SPRR1B: variants seen among roughly 807,000 people sequenced by gnomAD.
SPRR1B encodes the protein small proline rich protein 1B.
In SPRR1B, 1 loss-of-function variant was observed where a neutral mutation model predicts 1.2. The observed-to-expected ratio is 0.82, with a 90% CI of 0.29 to 3.89. The LOEUF (loss-of-function observed/expected upper bound fraction) is 3.89. Ranked by LOEUF, SPRR1B falls within the 30% of genes most tolerant of loss-of-function variation. The pLI is 0.18. For synonymous variants in SPRR1B, 37 were observed against 38.3 expected, an observed-to-expected ratio of 0.97 and a Z score of 0.13; for missense variants, 102 against 106.0, an observed-to-expected ratio of 0.96 and a Z score of 0.17.
rs560840585 is a variant in SPRR1B, at chr1:153,031,543, AC to A, written c.-20+299del. On this transcript the variant is annotated intron_variant, in intron 1 of 1. Coordinates refer to ENST00000307098, the MANE Select transcript of SPRR1B (RefSeq NM_003125.3). ...AGTTTGTAATGGGATAATGACTAGA[AC>A]CCAGGTCCACAGCACTTACCCTGGC... Among the ~76,000 whole-genome samples the A allele has an allele frequency of 3.4e-3, 522 of 152,306 alleles. 1 individual carries two copies. Among genetic ancestry groups the A allele is most frequent in the African/African-American group, 0.012 (491 of 41,568 alleles).
intron 1 of SPRR1B, 109 bp from the exon 2 acceptor site, chr1:153,032,218 T>C (rs1653728114): frequency 7.5e-7 from 1 of 1,328,740 alleles, no homozygotes; most frequent in African/African-American, 1.5e-5. Context: ...TTAAGTATTC[T>C]TTGTGGTCAA....
rs3181787 is a variant in SPRR1B, at chr1:153,032,333, T to A, written c.-13T>A. On this transcript the variant is annotated 5_prime_UTR_variant, in exon 2 of 2. Transcript: ENST00000307098. The stretch of plus-strand genomic sequence containing the variant: ...TCATCTGTTCTGTGTCCAGGACCAG[T>A]CACTGTTGCAGCATGAGTTCCCAGC... The A allele has an allele frequency of 1.9e-6, 3 of 1,612,074 alleles. No individual in the cohort carries two copies. The African/African-American group carries it at 4.0e-5, about 22-fold the overall frequency.
Position 153,032,651 on chromosome 1 carries a change from C to T in SPRR1B, c.*36C>T, listed in dbSNP as rs767984563. On this transcript the variant is annotated 3_prime_UTR_variant, in exon 2 of 2. Coordinates refer to ENST00000307098, the MANE Select transcript of SPRR1B (RefSeq NM_003125.3). ...AGCCATGCCCTTGAGGAGCCGGCCA[C>T]CAGATGCTGAATCCCCTATCCCATT... is the stretch of plus-strand genomic sequence containing the variant. 1.2e-6 allele frequency: 2 copies of T among 1,600,094 alleles called. No individual in the cohort carries two copies. Among genetic ancestry groups the T allele is most frequent in the African/African-American group, 2.7e-5 (2 of 74,658 alleles).
At chr1:153,032,140 G>A (rs192123857) in intron 1 of SPRR1B, among the ~76,000 whole-genome samples, 187 bp from the exon 2 acceptor site, 2 of 152,166 alleles carry the variant, frequency 1.3e-5, no homozygotes, top group East Asian at 3.9e-4. Flanking sequence ...ACCAGGAGAG[G>A]CCCTGCTCCA....
rs1310090121 is a variant in SPRR1B at position 153,032,670 on chromosome 1, T to C, written c.*55T>C. The C allele has an allele frequency of 8.2e-6, 13 of 1,584,140 alleles. No homozygotes were observed. Among genetic ancestry groups the C allele is most frequent in the Non-Finnish European group, 1.1e-5 (13 of 1,164,748 alleles). ...CGGCCACCAGATGCTGAATCCCCTA[T>C]CCCATTCTGCGTATGAGTCCCATTT... On this transcript the variant is annotated 3_prime_UTR_variant, in exon 2 of 2. Transcript: ENST00000307098.
In SPRR1B at chr1:153,032,520, C is replaced by T; in HGVS notation, c.175C>T (p.Pro59Ser). Residue 59 changes from proline to serine, a missense_variant, in exon 2 of 2, where the codon CCC becomes TCC. Transcript: ENST00000307098. Reference protein sequence around the residue: ...CHPKVPEPCQPKVPEPCHPKV... With the variant: ...CHPKVPEPCQSKVPEPCHPKV... ...CCCCAAAGTGCCCGAGCCCTGCCAG[C>T]CCAAGGTTCCAGAGCCATGCCACCC... The T allele has an allele frequency of 2.7e-6, 4 of 1,495,858 alleles. No individual in the cohort carries two copies. Among genetic ancestry groups the T allele is most frequent in the East Asian group, 2.3e-5 (1 of 43,430 alleles). The allele number at this position is 1,495,858 out of a possible 1,614,324, so 92.7% of individuals were successfully genotyped here. A position where few individuals can be genotyped will look rare whatever the true frequency, so the allele number is the denominator to read the frequency against.
At position 153,032,477 on chromosome 1, in the gene SPRR1B, G is replaced by A. The variant is rs200829544; in HGVS notation, c.132G>A (p.Lys44=). Residue 44 remains lysine, a synonymous_variant, in exon 2 of 2, where the codon AAG becomes AAA. Transcript: ENST00000307098. ...IPKTKEPCHP[K]VPEPCHPKVP... Reference sequence around the variant, plus strand: ...AAACCAAGGAGCCCTGCCACCCCAAGGTGCCTGAGCCCTGCCACCCCAAAG... The same window carrying A: ...AAACCAAGGAGCCCTGCCACCCCAAAGTGCCTGAGCCCTGCCACCCCAAAG... The A allele has an allele frequency of 6.7e-7, 1 of 1,495,928 alleles. No homozygotes were observed. Among genetic ancestry groups the A allele is most frequent in the African/African-American group, 1.4e-5 (1 of 72,902 alleles). The allele number at this position is 1,495,928 out of a possible 1,614,324, so 92.7% of individuals were successfully genotyped here.
rs760475000 is a variant in SPRR1B at position 153,032,452 on chromosome 1, A to C, written c.107A>C (p.Lys36Thr). 6.2e-7 allele frequency: 1 copy of C among 1,613,694 alleles called. No homozygotes were observed. The highest frequency in any genetic ancestry group is 2.2e-5 in the East Asian group (1 of 44,826). Residue 36 changes from lysine (K) to threonine (T), a missense_variant, in exon 2 of 2, where the codon AAA (lysine) becomes ACA (threonine). Physicochemically the swap from Lys to Thr is moderately conservative, Grantham distance 78. Coordinates refer to ENST00000307098, the MANE Select transcript of SPRR1B (RefSeq NM_003125.3). ...CCACCTCAGGAACCATGCATCCCCAAAACCAAGGAGCCCTGCCACCCCAAG... is the reference window on the plus strand; with the variant it reads ...CCACCTCAGGAACCATGCATCCCCACAACCAAGGAGCCCTGCCACCCCAAG... ...QPPPQEPCIP[K>T]TKEPCHPKVP...
In SPRR1B at chr1:153,032,548, A is replaced by C. The variant is rs1653743050; in HGVS notation, c.203A>C (p.Lys68Thr). The C allele has an allele frequency of 6.2e-7, 1 of 1,611,796 alleles. No individual in the cohort carries two copies. Among genetic ancestry groups the C allele is most frequent in the South Asian group, 1.1e-5 (1 of 90,996 alleles). The change falls in exon 2 of 2, where the codon AAG becomes ACG. Residue 68 changes from lysine (K) to threonine (T), a missense_variant. Physicochemically the swap from Lys to Thr is moderately conservative, Grantham distance 78 (BLOSUM62 -1). Transcript: ENST00000307098. ...QPKVPEPCHP[K>T]VPEPCPSIVT... ...AAGGTTCCAGAGCCATGCCACCCCA[A>C]GGTGCCTGAGCCCTGCCCTTCAATA...
Position 153,032,663 on chromosome 1 carries a change from T to A in SPRR1B, c.*48T>A. The A allele has an allele frequency of 6.3e-7, 1 of 1,591,160 alleles. No individual in the cohort carries two copies. Among genetic ancestry groups the A allele is most frequent in the Non-Finnish European group, 8.6e-7 (1 of 1,167,884 alleles). ...GAGGAGCCGGCCACCAGATGCTGAA[T>A]CCCCTATCCCATTCTGCGTATGAGT... On this transcript the variant is annotated 3_prime_UTR_variant, in exon 2 of 2. Coordinates refer to ENST00000307098, the MANE Select transcript of SPRR1B (RefSeq NM_003125.3).
Position 153,032,397 on chromosome 1 carries a change from C to T in SPRR1B, c.52C>T (p.Gln18Ter), listed in dbSNP as rs763570484. Residue 18 changes from glutamine (Q) to a stop codon, truncating the protein, a stop_gained, in exon 2 of 2, where the codon CAG (glutamine) becomes TAG (stop). Coordinates refer to ENST00000307098, the MANE Select transcript of SPRR1B (RefSeq NM_003125.3). LOFTEE classifies it low-confidence loss of function (END_TRUNC). Reference protein sequence around the residue: ...QPCTPPPQLQQQQVKQPCQPP... With the variant: ...QPCTPPPQLQ ...TTGCACCCCACCCCCTCAGCTTCAG[C>T]AGCAGCAGGTGAAACAGCCTTGCCA... 1 of 1,613,988 alleles carries T rather than the reference C, an allele frequency of 6.2e-7. No homozygotes were observed. The highest frequency in any genetic ancestry group is 8.5e-7 in the Non-Finnish European group (1 of 1,179,996).
chr1:153,032,501 A>G lies in SPRR1B; in HGVS notation c.156A>G (p.Lys52=), dbSNP rs368848590. 3.4e-5 allele frequency: 51 copies of G among 1,495,458 alleles called. No individual in the cohort carries two copies. The African/African-American group carries it at 5.3e-4, about 16-fold the overall frequency. 92.6% of individuals were successfully genotyped at this position (1,495,458 alleles called of 1,614,324 possible). Residue 52 remains lysine, a synonymous_variant, in exon 2 of 2, where the codon AAA becomes AAG. Transcript: ENST00000307098. ...HPKVPEPCHP[K]VPEPCQPKVP... is the part of the protein sequence containing the mutation. ...AGGTGCCTGAGCCCTGCCACCCCAA[A>G]GTGCCCGAGCCCTGCCAGCCCAAGG...
In SPRR1B at chr1:153,032,807, T is replaced by C; in HGVS notation, c.*192T>C. 1 of 1,050,336 alleles carries C rather than the reference T, an allele frequency of 9.5e-7. No individual in the cohort carries two copies. Among genetic ancestry groups the C allele is most frequent in the South Asian group, 1.9e-5 (1 of 53,916 alleles). The allele number at this position is 1,050,336 out of a possible 1,614,324, so 65.1% of individuals were successfully genotyped here. On this transcript the variant is annotated 3_prime_UTR_variant, in exon 2 of 2. Transcript: ENST00000307098. ...TGAAGGTCTTAGTACCAGAGCTAGT[T>C]TTCAGCTGCTCAGAATTCATCTGAA...
Position 153,031,249 on chromosome 1 carries a change from T to C in SPRR1B, c.-20+2T>C, listed in dbSNP as rs1260140080. 1 of 152,244 alleles carries C rather than the reference T, an allele frequency of 6.6e-6. No homozygotes were observed. The highest frequency in any genetic ancestry group is 6.5e-5 in the Admixed American group (1 of 15,288). The allele number at this position is 152,244 out of a possible 1,614,324, so 9.4% of individuals were successfully genotyped here. On this transcript the variant is annotated splice_donor_variant, in intron 1 of 1. Transcript: ENST00000307098. LOFTEE classifies it low-confidence loss of function (5UTR_SPLICE). ...AGAGTATTCCTCTCTTCACACCAGGTGAGTCTCTTTACTTGGAACTCTTTA... is the reference window on the plus strand; with the variant it reads ...AGAGTATTCCTCTCTTCACACCAGGCGAGTCTCTTTACTTGGAACTCTTTA...
At chr1:153,032,058 A>G (rs1362798717) in intron 1 of SPRR1B, among the ~76,000 whole-genome samples, 1 of 152,106 alleles carries the variant, frequency 6.6e-6, no homozygotes, top group African/African-American at 2.4e-5. Flanking sequence ...TCACATTTCC[A>G]ATGGTCCAGT....
chr1:153,031,416 G>A (rs4845516), intron 1 of SPRR1B, among the ~76,000 whole-genome samples, 169 bp downstream of exon 1: 74,699 of 151,680 alleles, frequency 0.49, 18,493 homozygotes, highest in East Asian at 0.61. Flanking sequence ...TTTTAAAAGT[G>A]TTCATACTGT....
chr1:153,031,577 T>C (rs936305686), intron 1 of SPRR1B, among the ~76,000 whole-genome samples: 2 of 152,198 alleles, frequency 1.3e-5, no homozygotes, highest in African/African-American at 4.8e-5. Context: ...GGCATTATAA[T>C]TCCTTCTTAT....
chr1:153,032,481 C>T lies in SPRR1B; in HGVS notation c.136C>T (p.Pro46Ser). 1 of 1,496,282 alleles carries T rather than the reference C, an allele frequency of 6.7e-7. No individual in the cohort carries two copies. The allele number at this position is 1,496,282 out of a possible 1,614,324, so 92.7% of individuals were successfully genotyped here. A position where few individuals can be genotyped will look rare whatever the true frequency, so the allele number is the denominator to read the frequency against. ...KTKEPCHPKV[P>S]EPCHPKVPEP... ...CAAGGAGCCCTGCCACCCCAAGGTG[C>T]CTGAGCCCTGCCACCCCAAAGTGCC... Residue 46 changes from proline to serine, a missense_variant, in exon 2 of 2, where the codon CCT (proline) becomes TCT (serine). Coordinates refer to ENST00000307098, the MANE Select transcript of SPRR1B (RefSeq NM_003125.3).
chr1:153,032,189 C>A, intron 1 of SPRR1B, 138 bp from the exon 2 acceptor site: 1 of 1,178,026 alleles, frequency 8.5e-7, no homozygotes, highest in South Asian at 1.6e-5. Flanking sequence ...TCCTCTTCTT[C>A]AAAGGCTCAG....
Sources: gnomAD v4.1 joint callset for allele counts (sites outside exome capture counted in the v4.1 genomes callset) on GRCh38, gnomAD v4.1.1 for gene constraint, MANE v1.5 for transcripts, NCBI Gene and HGNC (gene_info 2026-07-23, HGNC 2026-07-21) for gene names.